Variants in CSMD2 observed in about 807,000 individuals in gnomAD.
CSMD2 encodes CUB and Sushi multiple domains 2.
A neutral mutation model predicts 398.5 loss-of-function variants in CSMD2; 130 were observed. The ratio of observed to expected loss-of-function variants is 0.33; its 90% CI spans 0.28 to 0.38. The LOEUF (loss-of-function observed/expected upper bound fraction) is 0.38, where lower values mean the gene tolerates loss of function less well. Among genes scored for constraint, CSMD2 ranks in the 10% least tolerant of loss-of-function variants. The probability of loss-of-function intolerance (pLI) is 1.00; values close to 1 mark genes in which losing one functional copy is unlikely to be tolerated. For missense variants in CSMD2, 3,829 were observed against 4,764.9 expected, an observed-to-expected ratio of 0.80 and a Z score of 5.78; for synonymous variants, 1,828 against 1,908.5, an observed-to-expected ratio of 0.96 and a Z score of 1.10.
At chr1:34,063,945 C>T (rs1380999425) in intron 2 of CSMD2, among the ~76,000 whole-genome samples, 1 of 152,252 alleles carries the variant, frequency 6.6e-6, no homozygotes, top group East Asian at 1.9e-4. Context: ...CACATGGAAG[C>T]TGCCAAGGCT....
At chr1:33,695,952 C>T (rs2149106766) in intron 24 of CSMD2, among the ~76,000 whole-genome samples, 1 of 152,332 alleles carries the variant, frequency 6.6e-6, no homozygotes, top group South Asian at 2.1e-4. Flanking sequence ...TAGATTTCTA[C>T]TATAGCATGT....
chr1:33,744,383 T>C (rs1480305425), intron 13 of CSMD2, among the ~76,000 whole-genome samples: 2 of 152,180 alleles, frequency 1.3e-5, no homozygotes, highest in Admixed American at 1.3e-4. Flanking sequence ...AGGAGCACCA[T>C]CTTTCAGAGA....
chr1:33,719,195 A>G (rs1357108197), intron 19 of CSMD2, among the ~76,000 whole-genome samples: 1 of 152,222 alleles, frequency 6.6e-6, no homozygotes, highest in Non-Finnish European at 1.5e-5. Context: ...ACATACAAAC[A>G]TGTCTGCAAA....
At position 33,586,558 on chromosome 1, in the gene CSMD2, T is replaced by C; in HGVS notation, c.6997A>G (p.Thr2333Ala). Residue 2333 changes from threonine to alanine, a missense_variant, in exon 46 of 71, where the codon ACC (threonine) becomes GCC (alanine). Around this residue, in one of 5 missense-constraint regions of CSMD2, gnomAD observed 723 missense variants for 758.6 expected, o/e 0.95. Coordinates refer to ENST00000373381, the MANE Select transcript of CSMD2 (RefSeq NM_001281956.2). ...TGCAGGTAGGTTCCAAGTTTGCAGG[T>C]CAGAATTTCATTCCCCACTAAGGTA... ...GFTLVGNEIL[T>A]CKLGTYLQFE... is the part of the protein sequence containing the mutation. The C allele has an allele frequency of 1.9e-6, 3 of 1,613,838 alleles. No individual in the cohort carries two copies. The highest frequency in any genetic ancestry group is 2.5e-6 in the Non-Finnish European group (3 of 1,179,810).
At chr1:33,788,758 C>A (rs1179400315) in intron 11 of CSMD2, 46 bp from the exon 12 acceptor site, 1 of 1,197,794 alleles carries the variant, frequency 8.3e-7, no homozygotes. Flanking sequence ...ACCATGACAC[C>A]CGAATAGAAT....
intron 2 of CSMD2, among the ~76,000 whole-genome samples, chr1:34,070,660 C>T (rs1655637878): frequency 6.6e-6 from 1 of 152,236 alleles, no homozygotes; most frequent in South Asian, 2.1e-4. Flanking sequence ...AAATCTGCCT[C>T]TGTCTGCAAG....
At chr1:33,522,070 C>T (rs1440720382) in intron 67 of CSMD2, among the ~76,000 whole-genome samples, 5 of 152,082 alleles carry the variant, frequency 3.3e-5, no homozygotes, top group African/African-American at 7.2e-5. Flanking sequence ...TTTTAGGGGG[C>T]GTAGCTGGGG....
At chr1:33,777,768 A>G (rs779562125) in intron 12 of CSMD2, among the ~76,000 whole-genome samples, 18 of 152,174 alleles carry the variant, frequency 1.2e-4, no homozygotes, top group Non-Finnish European at 1.8e-4. Context: ...GCCACTCAGC[A>G]TATTTGCTTC....
At chr1:33,764,787 G>C (rs1650275415) in intron 13 of CSMD2, among the ~76,000 whole-genome samples, 1 of 152,186 alleles carries the variant, frequency 6.6e-6, no homozygotes, top group Non-Finnish European at 1.5e-5. Context: ...AAGGACTCTA[G>C]CTATTGTGAT....
At chr1:33,776,351 G>C (rs1431813905) in intron 12 of CSMD2, among the ~76,000 whole-genome samples, 1 of 152,200 alleles carries the variant, frequency 6.6e-6, no homozygotes, top group East Asian at 1.9e-4. Context: ...GAGGGAAGAA[G>C]TGGTGGCAGT....
intron 1 of CSMD2, among the ~76,000 whole-genome samples, chr1:34,134,855 CAAT>C (rs1231304581): frequency 1.9e-4 from 29 of 152,144 alleles, no homozygotes; most frequent in African/African-American, 7.0e-4. Context: ...TAAAGGAACG[CAAT>C]AATGAGCTAC....
At chr1:33,654,829 G>C (rs1643900257) in intron 27 of CSMD2, among the ~76,000 whole-genome samples, 1 of 152,324 alleles carries the variant, frequency 6.6e-6, no homozygotes, top group African/African-American at 2.4e-5. Context: ...CCAGCTCAGG[G>C]GCTTCTTCCC....
intron 5 of CSMD2, among the ~76,000 whole-genome samples, chr1:33,852,124 G>T (rs776795988): frequency 3.0e-4 from 46 of 152,006 alleles, no homozygotes; most frequent in Non-Finnish European, 5.9e-4. Flanking sequence ...CATCCTCCTG[G>T]TCACCCAACC....
chr1:33,794,664 AG>A (rs1654728001), intron 10 of CSMD2, among the ~76,000 whole-genome samples: 1 of 152,242 alleles, frequency 6.6e-6, no homozygotes, highest in African/African-American at 2.4e-5. Context: ...AAGGGTTGGC[AG>A]TAAAGGCATG....
At chr1:33,693,119 T>C in intron 24 of CSMD2, 63 bp from the exon 25 acceptor site, 1 of 1,516,774 alleles carries the variant, frequency 6.6e-7, no homozygotes, top group Non-Finnish European at 8.8e-7. Flanking sequence ...AGTCACTCAG[T>C]GGCTCCTTTT....
chr1:33,926,984 G>T (rs558301346), intron 4 of CSMD2, among the ~76,000 whole-genome samples: 2 of 152,170 alleles, frequency 1.3e-5, no homozygotes, highest in Admixed American at 1.3e-4. Flanking sequence ...ATGCCTAGAA[G>T]ATTTGGGGTC....
intron 28 of CSMD2, among the ~76,000 whole-genome samples, chr1:33,651,654 T>C (rs1470850778): frequency 6.6e-6 from 1 of 152,112 alleles, no homozygotes; most frequent in Non-Finnish European, 1.5e-5. Context: ...GAAGAGTAAC[T>C]TCACACAAAC....
Position 33,571,827 on chromosome 1 carries a change from A to G in CSMD2, c.7763-101T>C, listed in dbSNP as rs1267561980. On this transcript the variant is annotated intron_variant, in intron 50 of 70. Coordinates refer to ENST00000373381, the MANE Select transcript of CSMD2 (RefSeq NM_001281956.2). ...GGGACTTGGAGACCTTAATGCAATA[A>G]TGAAGAATCCAGGAATCTTCAGTTC... is the stretch of plus-strand genomic sequence containing the variant. The G allele has an allele frequency of 1.3e-5, 11 of 878,570 alleles. No homozygotes were observed. In the East Asian group the frequency reaches 3.1e-4, roughly 24 times the overall value. 54.4% of individuals were successfully genotyped at this position (878,570 alleles called of 1,614,324 possible).
At chr1:34,077,674 T>C (rs964836954) in intron 2 of CSMD2, among the ~76,000 whole-genome samples, 3 of 143,952 alleles carry the variant, frequency 2.1e-5, no homozygotes, top group African/African-American at 7.8e-5. Flanking sequence ...GAGGCGGAGC[T>C]TGCAGTGAGC....
Sources: gnomAD v4.1 joint callset for allele counts (sites outside exome capture counted in the v4.1 genomes callset) on GRCh38, gnomAD v4.1.1 for gene constraint, gnomAD v4.1.1 regional missense constraint, MANE v1.5 for transcripts, NCBI Gene and HGNC (gene_info 2026-07-23, HGNC 2026-07-21) for gene names.